Variants in ASB5 observed in about 807,000 individuals in gnomAD.
ASB5 encodes ankyrin repeat and SOCS box protein 5.
A neutral mutation model predicts 42.1 loss-of-function variants in ASB5; 45 were observed. The observed-to-expected ratio is 1.07, with a 90% CI of 0.84 to 1.37. The LOEUF (loss-of-function observed/expected upper bound fraction) is 1.37, where lower values mean the gene tolerates loss of function less well. Ranked by LOEUF, ASB5 falls within the 40% of genes most tolerant of loss-of-function variation. The pLI is 0.00. For synonymous variants in ASB5, 147 were observed against 150.6 expected, an observed-to-expected ratio of 0.98 and a Z score of 0.18; for missense variants, 402 against 399.8, an observed-to-expected ratio of 1.01 and a Z score of -0.05.
intron 1 of ASB5, among the ~76,000 whole-genome samples, chr4:176,238,193 G>A (rs1266007071): frequency 3.0e-5 from 4 of 131,498 alleles, no homozygotes; most frequent in Admixed American, 8.7e-5. Context: ...GGCGACAGAA[G>A]GAGACTCCGT....
At chr4:176,268,408 T>C (rs1446491324) in intron 1 of ASB5, among the ~76,000 whole-genome samples, 4 of 152,198 alleles carry the variant, frequency 2.6e-5, no homozygotes, top group African/African-American at 9.6e-5. Flanking sequence ...GTGTGCTTTA[T>C]TTTAGAGTCA....
chr4:176,231,225 A>AT (rs35699083), intron 1 of ASB5, among the ~76,000 whole-genome samples: 18,617 of 149,596 alleles, frequency 0.12, 1,503 homozygotes, highest in Admixed American at 0.19. Context: ...CCGACTCATA[A>AT]TTTTTTTTTT....
intron 3 of ASB5, 35 bp from the exon 4 acceptor site, chr4:176,221,635 A>T (rs756854906): frequency 3.2e-6 from 5 of 1,547,342 alleles, no homozygotes; most frequent in Non-Finnish European, 4.4e-6. Context: ...CATAAGATTC[A>T]TAAGTCATAC....
chr4:176,223,380 C>A (rs1162647504), intron 2 of ASB5, among the ~76,000 whole-genome samples: 2 of 152,180 alleles, frequency 1.3e-5, no homozygotes, highest in Non-Finnish European at 2.9e-5. Flanking sequence ...ATGAAGACAT[C>A]ATTTTATTGT....
At chr4:176,262,326 T>C (rs1367666617) in intron 1 of ASB5, among the ~76,000 whole-genome samples, 1 of 152,206 alleles carries the variant, frequency 6.6e-6, no homozygotes, top group Non-Finnish European at 1.5e-5. Context: ...ATAAATTCTT[T>C]TAACAACAGA....
At chr4:176,242,859 T>C (rs1323864325) in intron 1 of ASB5, among the ~76,000 whole-genome samples, 1 of 152,196 alleles carries the variant, frequency 6.6e-6, no homozygotes, top group South Asian at 2.1e-4. Context: ...ATTTTTTTTC[T>C]AATTACATTT....
intron 5 of ASB5, among the ~76,000 whole-genome samples, chr4:176,219,916 G>A (rs972147051): frequency 2.6e-5 from 4 of 151,932 alleles, no homozygotes; most frequent in African/African-American, 7.3e-5. Flanking sequence ...GGAATGAAAG[G>A]CTCTAAAGCA....
chr4:176,250,876 G>C (rs1754018822), intron 1 of ASB5, among the ~76,000 whole-genome samples: 1 of 152,170 alleles, frequency 6.6e-6, no homozygotes, highest in African/African-American at 2.4e-5. Flanking sequence ...ATGTACATAA[G>C]AACTGGGCAT....
Position 176,264,002 on chromosome 4 carries a change from A to C in ASB5, c.196+4911T>G, listed in dbSNP as rs528871420. Reference sequence around the variant, plus strand: ...CCATTCAGCTTAAGGTCACACATTTATAGTATGTCCTATTTCCAAGTGTCT... The same window carrying C: ...CCATTCAGCTTAAGGTCACACATTTCTAGTATGTCCTATTTCCAAGTGTCT... On this transcript the variant is annotated intron_variant, in intron 1 of 6. Coordinates refer to ENST00000296525, the MANE Select transcript of ASB5 (RefSeq NM_080874.4). 3.5e-4 allele frequency among the ~76,000 whole-genome samples: 53 copies of C among 151,972 alleles called. 1 individual carries two copies. The highest frequency in any genetic ancestry group is 1.3e-3 in the African/African-American group (52 of 41,438).
intron 1 of ASB5, among the ~76,000 whole-genome samples, chr4:176,243,928 G>T (rs1282544814): frequency 6.6e-6 from 1 of 151,978 alleles, no homozygotes; most frequent in African/African-American, 2.4e-5. Context: ...TTATGTTTTA[G>T]ACAGGACATT....
chr4:176,242,406 T>A (rs1207913122), intron 1 of ASB5, among the ~76,000 whole-genome samples: 2 of 152,230 alleles, frequency 1.3e-5, no homozygotes, highest in African/African-American at 4.8e-5. Flanking sequence ...TGAGGAATTT[T>A]AAAAACTACT....
chr4:176,268,067 T>A (rs1164180293), intron 1 of ASB5, among the ~76,000 whole-genome samples: 1 of 152,194 alleles, frequency 6.6e-6, no homozygotes, highest in African/African-American at 2.4e-5. Context: ...TATTCATGCA[T>A]GCCTGTTGAT....
chr4:176,268,683 G>T (rs1280201961), intron 1 of ASB5, among the ~76,000 whole-genome samples: 1 of 151,790 alleles, frequency 6.6e-6, no homozygotes. Flanking sequence ...TATATATATA[G>T]TATGCCTTCC....
intron 1 of ASB5, among the ~76,000 whole-genome samples, chr4:176,233,505 T>A (rs1381024482): frequency 6.6e-6 from 1 of 152,212 alleles, no homozygotes; most frequent in African/African-American, 2.4e-5. Context: ...CTCTATTGGT[T>A]TAAACAGTGT....
intron 6 of ASB5, among the ~76,000 whole-genome samples, 173 bp downstream of exon 6, chr4:176,216,645 G>A (rs6825568): frequency 0.5 from 75,989 of 152,086 alleles, 19,085 homozygotes; most frequent in East Asian, 0.57. Flanking sequence ...CACCACACTC[G>A]GCTGATATCT....
At chr4:176,268,387 C>T (rs1754401011) in intron 1 of ASB5, among the ~76,000 whole-genome samples, 1 of 152,108 alleles carries the variant, frequency 6.6e-6, no homozygotes, top group Admixed American at 6.6e-5. Context: ...TGTCGTCAAT[C>T]TTCTTTGTGT....
Position 176,225,420 on chromosome 4 carries a change from C to G in ASB5, c.197-79G>C, listed in dbSNP as rs1266831740. 10 of 1,163,814 alleles carry G rather than the reference C, an allele frequency of 8.6e-6. No individual in the cohort carries two copies. In the East Asian group the frequency reaches 2.4e-4, roughly 28 times the overall value. The allele number at this position is 1,163,814 out of a possible 1,614,324, so 72.1% of individuals were successfully genotyped here. On this transcript the variant is annotated intron_variant, in intron 1 of 6. Transcript: ENST00000296525. Reference sequence around the variant, plus strand: ...TGAATCCCAGTAGACACAATCAATACCAAGATCACATAAATTATTCACACT... The same window carrying G: ...TGAATCCCAGTAGACACAATCAATAGCAAGATCACATAAATTATTCACACT...
chr4:176,264,267 A>T (rs959869327), intron 1 of ASB5, among the ~76,000 whole-genome samples: 1 of 152,214 alleles, frequency 6.6e-6, no homozygotes, highest in Non-Finnish European at 1.5e-5. Flanking sequence ...AATTTGGTCC[A>T]TGGCCTTGCA....
At chr4:176,253,338 C>G (rs1031710507) in intron 1 of ASB5, among the ~76,000 whole-genome samples, 1 of 152,176 alleles carries the variant, frequency 6.6e-6, no homozygotes, top group Non-Finnish European at 1.5e-5. Flanking sequence ...TAAAGCACAA[C>G]AGTGCACACA....
Sources: gnomAD v4.1 joint callset for allele counts (sites outside exome capture counted in the v4.1 genomes callset) on GRCh38, gnomAD v4.1.1 for gene constraint, MANE v1.5 for transcripts, NCBI Gene and HGNC (gene_info 2026-07-23, HGNC 2026-07-21) for gene names.